Variants in FLACC1 observed in about 807,000 individuals in gnomAD.
FLACC1 encodes flagellum associated containing coiled-coil domains 1.
In FLACC1, 66 loss-of-function variants were observed where a neutral mutation model predicts 62.8. That is an observed-to-expected ratio of 1.05 (90% CI 0.86 to 1.29). FLACC1 has a LOEUF of 1.29. FLACC1 is among the 50% of genes most tolerant of loss of function. The pLI is 0.00. For missense variants in FLACC1, 452 were observed against 489.1 expected (o/e 0.92, Z 0.71); for synonymous variants, 156 against 161.0 (o/e 0.97, Z 0.24).
chr2:201,312,123 AAAG>A (rs1950227807), intron 9 of FLACC1, among the ~76,000 whole-genome samples: 2 of 152,256 alleles, frequency 1.3e-5, no homozygotes, highest in Non-Finnish European at 2.9e-5. Context: ...CCAAATAGGA[AAAG>A]AAGAAGTCAA....
chr2:201,307,643 C>T (rs1455417479), intron 10 of FLACC1, 21 bp from the exon 11 acceptor site: 1 of 1,527,854 alleles, frequency 6.5e-7, no homozygotes, highest in African/African-American at 1.4e-5. Context: ...GACAGGAAAG[C>T]ACATATATGT....
At chr2:201,345,426 A>G (rs1176273830) in intron 5 of FLACC1, among the ~76,000 whole-genome samples, 1 of 151,512 alleles carries the variant, frequency 6.6e-6, no homozygotes, top group East Asian at 1.9e-4. Flanking sequence ...AATTCTGCCA[A>G]TACACTAGCA....
Position 201,330,766 on chromosome 2 carries a change from C to T in FLACC1, c.592G>A (p.Ala198Thr). The T allele has an allele frequency of 1.2e-6, 2 of 1,613,958 alleles. No individual in the cohort carries two copies. The highest frequency in any genetic ancestry group is 1.7e-6 in the Non-Finnish European group (2 of 1,179,984). The change falls in exon 8 of 15, where the codon GCA (alanine) becomes ACA (threonine). Residue 198 changes from alanine (A) to threonine (T), a missense_variant. By Grantham distance (58) the Ala-to-Thr change is moderately conservative. Coordinates refer to ENST00000392257, the MANE Select transcript of FLACC1 (RefSeq NM_001127391.3). ...LENNYKAALK[A>T]EKLAAQEKLE... ...TTCTCTTGGGCAGCCAACTTCTCTG[C>T]CTTCAAGGCTGCTTTGTAGTTGTTC... is the stretch of plus-strand genomic sequence containing the variant.
At position 201,288,819 on chromosome 2, in the gene FLACC1, A is replaced by G. The variant is rs371761196; in HGVS notation, c.1143-38T>C. On this transcript the variant is annotated intron_variant, in intron 14 of 14. Coordinates refer to ENST00000392257, the MANE Select transcript of FLACC1 (RefSeq NM_001127391.3). Reference sequence around the variant, plus strand: ...AGGAAAGATGTATCAATGTCAACTCAAAAGCTAGAAAGGGTATAGGATATT... The same window carrying G: ...AGGAAAGATGTATCAATGTCAACTCGAAAGCTAGAAAGGGTATAGGATATT... 2.7e-5 allele frequency: 44 copies of G among 1,604,812 alleles called. 1 individual carries two copies. In the African/African-American group the frequency reaches 4.1e-4, roughly 15 times the overall value.
At chr2:201,301,718 C>T (rs994003240) in intron 11 of FLACC1, among the ~76,000 whole-genome samples, 7 of 152,228 alleles carry the variant, frequency 4.6e-5, no homozygotes, top group Non-Finnish European at 1.0e-4. Flanking sequence ...GCCCATCAGA[C>T]TAACAGTGGA....
At chr2:201,298,759 C>T (rs143327956) in intron 12 of FLACC1, among the ~76,000 whole-genome samples, 109 of 152,308 alleles carry the variant, frequency 7.2e-4, no homozygotes, top group Non-Finnish European at 9.3e-4. Context: ...TGGATTTGAA[C>T]GGCTCCTCTT....
chr2:201,320,824 G>A (rs1379666635), intron 9 of FLACC1, among the ~76,000 whole-genome samples: 2 of 152,198 alleles, frequency 1.3e-5, no homozygotes, highest in African/African-American at 4.8e-5. Flanking sequence ...AGAAACCAGA[G>A]TAACCCCTCT....
At chr2:201,343,869 A>G (rs1257856406) in intron 6 of FLACC1, among the ~76,000 whole-genome samples, 4 of 152,264 alleles carry the variant, frequency 2.6e-5, no homozygotes, top group Admixed American at 2.6e-4. Context: ...GGCCAGACAG[A>G]AAACAACAAG....
chr2:201,314,388 C>T (rs1052798802), intron 9 of FLACC1, among the ~76,000 whole-genome samples: 1 of 151,950 alleles, frequency 6.6e-6, no homozygotes, highest in Non-Finnish European at 1.5e-5. Flanking sequence ...TATAGAAATG[C>T]AAAATGCTCT....
chr2:201,348,659 C>A (rs6710974), intron 3 of FLACC1, among the ~76,000 whole-genome samples: 77,265 of 151,110 alleles, frequency 0.51, 20,200 homozygotes, highest in South Asian at 0.59. Flanking sequence ...AACGGGCACA[C>A]ACACACTCAG....
intron 9 of FLACC1, among the ~76,000 whole-genome samples, chr2:201,329,865 A>C (rs1950558064): frequency 6.6e-6 from 1 of 152,192 alleles, no homozygotes; most frequent in African/African-American, 2.4e-5. Context: ...CCTGAATCTA[A>C]AATGAAAGTT....
chr2:201,295,162 CT>C (rs2125539119), intron 12 of FLACC1, among the ~76,000 whole-genome samples: 1 of 152,316 alleles, frequency 6.6e-6, no homozygotes, highest in Admixed American at 6.5e-5. Context: ...GAAAAAACTA[CT>C]TTAAAGTTCA....
At chr2:201,344,083 C>T (rs1352101235) in intron 6 of FLACC1, 87 bp downstream of exon 6, 5 of 1,207,582 alleles carry the variant, frequency 4.1e-6, no homozygotes, top group East Asian at 2.4e-5. Context: ...GAGTAAAGTG[C>T]TTGGCATTTT....
intron 9 of FLACC1, among the ~76,000 whole-genome samples, chr2:201,315,039 C>CTTA (rs1431029517): frequency 6.6e-6 from 1 of 152,068 alleles, no homozygotes; most frequent in Non-Finnish European, 1.5e-5. Context: ...AAAAGGAGCT[C>CTTA]TAAATCTTGA....
intron 7 of FLACC1, among the ~76,000 whole-genome samples, chr2:201,340,821 T>C (rs979752820): frequency 2.0e-5 from 3 of 152,182 alleles, no homozygotes; most frequent in African/African-American, 4.8e-5. Context: ...ACTCCCTTAA[T>C]TTTTGTTTGG....
At chr2:201,351,653 G>T (rs1197680340) in intron 1 of FLACC1, among the ~76,000 whole-genome samples, 2 of 152,156 alleles carry the variant, frequency 1.3e-5, no homozygotes, top group Admixed American at 6.5e-5. Context: ...TTTAAACTTT[G>T]CCATAACTGG....
chr2:201,355,333 T>C (rs1951099105), intron 1 of FLACC1, among the ~76,000 whole-genome samples: 1 of 151,950 alleles, frequency 6.6e-6, no homozygotes, highest in African/African-American at 2.4e-5. Flanking sequence ...GAAAAGAGAT[T>C]CACAGATGAA....
chr2:201,344,396 TC>T, intron 5 of FLACC1, 133 bp from the exon 6 acceptor site: 3 of 680,744 alleles, frequency 4.4e-6, no homozygotes, highest in African/African-American at 1.8e-5. Flanking sequence ...ACCTGCTCTA[TC>T]ATTATGGGGT....
chr2:201,349,487 T>G (rs1345037297), intron 3 of FLACC1, among the ~76,000 whole-genome samples: 1 of 152,230 alleles, frequency 6.6e-6, no homozygotes, highest in African/African-American at 2.4e-5. Flanking sequence ...CCTCTTCCCC[T>G]TCCTTCCCCA....
Sources: allele counts gnomAD v4.1 joint callset (sites outside exome capture counted in the v4.1 genomes callset), GRCh38; gene constraint gnomAD v4.1.1; transcripts MANE v1.5; gene names NCBI Gene and HGNC (gene_info 2026-07-23, HGNC 2026-07-21).